The following DLG1 variants were observed in gnomAD, a reference collection of about 807,000 sequenced individuals.
DLG1 encodes disks large homolog 1.
Under a neutral mutation model 123.4 loss-of-function variants are expected in DLG1, and 42 were observed. That is an observed-to-expected ratio of 0.34 (90% CI 0.27 to 0.44). The LOEUF (loss-of-function observed/expected upper bound fraction) is 0.44, where lower values mean the gene tolerates loss of function less well. Among genes scored for constraint, DLG1 ranks in the 20% least tolerant of loss-of-function variants. The pLI is 1.00. For synonymous variants in DLG1, 317 were observed against 356.2 expected (o/e 0.89, Z 1.24); for missense variants, 942 against 1,082.6 (o/e 0.87, Z 1.82).
At chr3:197,203,595 G>T in intron 4 of DLG1, among the ~76,000 whole-genome samples, 1 of 151,996 alleles carries the variant, frequency 6.6e-6, no homozygotes, top group East Asian at 1.9e-4. Context: ...TTTGAGACAG[G>T]TTAAAAGTAG....
chr3:197,059,788 C>G, intron 23 of DLG1, 101 bp downstream of exon 23: 1 of 740,224 alleles, frequency 1.4e-6, no homozygotes, highest in Non-Finnish European at 2.2e-6. Context: ...CTACTATTAT[C>G]TCAATTTTAT....
Position 197,044,571 on chromosome 3 carries a change from G to T in DLG1, c.*52C>A. The T allele has an allele frequency of 7.7e-7, 1 of 1,291,324 alleles. No homozygotes were observed. The highest frequency in any genetic ancestry group is 1.1e-6 in the Non-Finnish European group (1 of 897,064). 80.0% of individuals were successfully genotyped at this position (1,291,324 alleles called of 1,614,324 possible). ...AAGACTCCAGAGGAAAGGGCAAAGAGATGCCAAAGAAAATGGAATTGTGGA... is the reference window on the plus strand; with the variant it reads ...AAGACTCCAGAGGAAAGGGCAAAGATATGCCAAAGAAAATGGAATTGTGGA... On this transcript the variant is annotated 3_prime_UTR_variant, in exon 25 of 25. Transcript: ENST00000667157.
intron 6 of DLG1, among the ~76,000 whole-genome samples, chr3:197,145,161 G>A (rs1790117323): frequency 6.6e-6 from 1 of 152,066 alleles, no homozygotes; most frequent in African/African-American, 2.4e-5. Context: ...AGTACGGGAG[G>A]CTTACCTACT....
chr3:197,138,298 A>T lies in DLG1; in HGVS notation c.807T>A (p.Ile269=). 1 of 1,604,886 alleles carries T rather than the reference A, an allele frequency of 6.2e-7. No homozygotes were observed. The highest frequency in any genetic ancestry group is 8.5e-7 in the Non-Finnish European group (1 of 1,173,868). The change falls in exon 9 of 25, where the codon ATT becomes ATA. Residue 269 remains isoleucine, a synonymous_variant. Coordinates refer to ENST00000667157, the MANE Select transcript of DLG1 (RefSeq NM_001366207.1). ...AVEALKEAGS[I]VRLYVKRRKP... ...TCCTTCTTTTTACATACAAGCGTACAATAGACCCTGCTTCTTTCAACGCTT... is the reference window on the plus strand; with the variant it reads ...TCCTTCTTTTTACATACAAGCGTACTATAGACCCTGCTTCTTTCAACGCTT...
intron 13 of DLG1, among the ~76,000 whole-genome samples, chr3:197,110,222 T>C (rs187275272): frequency 2.5e-4 from 38 of 152,322 alleles, no homozygotes; most frequent in African/African-American, 7.0e-4. Context: ...AAAATCTCAA[T>C]TGACCCATCT....
intron 14 of DLG1, among the ~76,000 whole-genome samples, chr3:197,093,129 T>TAC: frequency 6.6e-6 from 1 of 152,116 alleles, no homozygotes; most frequent in East Asian, 1.9e-4. Context: ...TGTGTATATA[T>TAC]ACACACAAAC....
At chr3:197,150,631 A>T (rs1196030682) in intron 5 of DLG1, among the ~76,000 whole-genome samples, 1 of 152,188 alleles carries the variant, frequency 6.6e-6, no homozygotes, top group Non-Finnish European at 1.5e-5. Context: ...AACAAACTTT[A>T]GAAGATATGC....
At position 197,165,152 on chromosome 3, in the gene DLG1, T is replaced by C. The variant is rs1255312713; in HGVS notation, c.484-15356A>G. Among the ~76,000 whole-genome samples, 6 of 152,324 alleles carry C rather than the reference T, an allele frequency of 3.9e-5. 1 individual carries two copies. The South Asian group carries it at 1.2e-3, about 32-fold the overall frequency. On this transcript the variant is annotated intron_variant, in intron 5 of 24. Transcript: ENST00000667157. Reference sequence around the variant, plus strand: ...ATCGCTGCTTCTTTATTCTGAATTATACTTTTCCAGTTGTTGACAAGGAAT... The same window carrying C: ...ATCGCTGCTTCTTTATTCTGAATTACACTTTTCCAGTTGTTGACAAGGAAT...
chr3:197,047,921 A>G (rs1302909793), intron 24 of DLG1, among the ~76,000 whole-genome samples: 1 of 151,994 alleles, frequency 6.6e-6, no homozygotes, highest in Non-Finnish European at 1.5e-5. Flanking sequence ...GATATTAAAT[A>G]AAAAATCTAC....
At chr3:197,058,995 G>A (rs1477748692) in intron 23 of DLG1, among the ~76,000 whole-genome samples, 4 of 152,020 alleles carry the variant, frequency 2.6e-5, no homozygotes, top group Non-Finnish European at 5.9e-5. Flanking sequence ...GCGAGATCTC[G>A]GCTCACTGCA....
At chr3:197,206,158 A>T (rs933950796) in intron 4 of DLG1, among the ~76,000 whole-genome samples, 2 of 152,190 alleles carry the variant, frequency 1.3e-5, no homozygotes, top group African/African-American at 4.8e-5. Context: ...CATTATTCTG[A>T]CTATTACAGT....
chr3:197,192,584 C>T (rs1720195256), intron 5 of DLG1, among the ~76,000 whole-genome samples: 1 of 152,058 alleles, frequency 6.6e-6, no homozygotes, highest in South Asian at 2.1e-4. Flanking sequence ...CTCCTTAACT[C>T]TCTTTTAGTT....
At chr3:197,212,738 A>G (rs191339072) in intron 4 of DLG1, among the ~76,000 whole-genome samples, 250 of 152,366 alleles carry the variant, frequency 1.6e-3, no homozygotes, top group Non-Finnish European at 1.7e-3. Context: ...ATCTCCAAAT[A>G]AGGTCATATT....
chr3:197,210,578 A>G (rs1730812881), intron 4 of DLG1, among the ~76,000 whole-genome samples: 1 of 143,754 alleles, frequency 7.0e-6, no homozygotes, highest in Non-Finnish European at 1.6e-5. Context: ...CACACACCAT[A>G]TTCTGACACA....
intron 4 of DLG1, among the ~76,000 whole-genome samples, chr3:197,202,179 T>A (rs532920580): frequency 1.2e-3 from 183 of 152,270 alleles, no homozygotes; most frequent in African/African-American, 4.2e-3. Context: ...ATAACAAATG[T>A]AAGATGAGAA....
chr3:197,115,496 T>C (rs1772736553), intron 13 of DLG1, among the ~76,000 whole-genome samples: 1 of 152,238 alleles, frequency 6.6e-6, no homozygotes, highest in South Asian at 2.1e-4. Flanking sequence ...ATAATACAAT[T>C]TCAAAAGACA....
intron 11 of DLG1, among the ~76,000 whole-genome samples, chr3:197,128,098 C>G (rs946692799): frequency 2.0e-5 from 3 of 152,076 alleles, no homozygotes; most frequent in African/African-American, 7.2e-5. Flanking sequence ...CTGACTCGTT[C>G]TTTTACAAAA....
At chr3:197,257,089 T>C (rs898699148) in intron 4 of DLG1, among the ~76,000 whole-genome samples, 1 of 152,006 alleles carries the variant, frequency 6.6e-6, no homozygotes, top group Non-Finnish European at 1.5e-5. Flanking sequence ...TGAAGTCTTT[T>C]AAAAAAAATC....
intron 3 of DLG1, among the ~76,000 whole-genome samples, chr3:197,285,728 A>G (rs567579051): frequency 1.2e-4 from 18 of 152,342 alleles, no homozygotes; most frequent in African/African-American, 4.3e-4. Flanking sequence ...CCAAAGCACC[A>G]ACACTACCAA....
Sources: allele counts gnomAD v4.1 joint callset (sites outside exome capture counted in the v4.1 genomes callset), GRCh38; gene constraint gnomAD v4.1.1; transcripts MANE v1.5; gene names NCBI Gene and HGNC (gene_info 2026-07-23, HGNC 2026-07-21).